Variants in TENM2 observed in about 807,000 individuals in gnomAD.
The protein encoded by TENM2 is teneurin-2.
In TENM2, 52 loss-of-function variants were observed where a neutral mutation model predicts 245.2. That is an observed-to-expected ratio of 0.21 (90% confidence interval 0.17 to 0.27). The LOEUF (loss-of-function observed/expected upper bound fraction) is 0.27. Among genes scored for constraint, TENM2 ranks in the 10% least tolerant of loss-of-function variants. TENM2 has a pLI of 1.00. For synonymous variants in TENM2, 1,363 were observed against 1,438.9 expected, an observed-to-expected ratio of 0.95 and a Z score of 1.19; for missense variants, 3,046 against 3,666.8, an observed-to-expected ratio of 0.83 and a Z score of 4.37.
At chr5:168,172,525 C>T (rs913457266) in intron 13 of TENM2, among the ~76,000 whole-genome samples, 2 of 152,096 alleles carry the variant, frequency 1.3e-5, no homozygotes, top group Admixed American at 6.5e-5. Context: ...GCTCCCACGG[C>T]GAAAACATAG....
intron 2 of TENM2, among the ~76,000 whole-genome samples, chr5:167,646,200 CATATATATATATATATATAT>C (rs61476810): frequency 1.6e-5 from 1 of 63,422 alleles, no homozygotes; most frequent in African/African-American, 5.3e-5. Flanking sequence ...ATGTTGTTTT[CATATATATATATATATATAT>C]ATATATATAT....
chr5:167,887,983 T>A (rs1376904409), intron 3 of TENM2, among the ~76,000 whole-genome samples: 1 of 152,132 alleles, frequency 6.6e-6, no homozygotes, highest in Admixed American at 6.6e-5. Flanking sequence ...ATGGCCCTCT[T>A]CTCCCTGCGT....
the TENM2 span, among the ~76,000 whole-genome samples, chr5:167,089,735 G>T: frequency 6.6e-6 from 1 of 152,270 alleles, no homozygotes; most frequent in African/African-American, 2.4e-5. Context: ...AGACAGAAGA[G>T]AATGGATGAG....
At chr5:167,234,727 T>C in the TENM2 span, among the ~76,000 whole-genome samples, 2 of 152,234 alleles carry the variant, frequency 1.3e-5, no homozygotes, top group African/African-American at 4.8e-5. Context: ...TGAGTCATGA[T>C]GTTTAAAAAC....
intron 4 of TENM2, among the ~76,000 whole-genome samples, chr5:167,982,914 G>A (rs1206839258): frequency 6.6e-6 from 1 of 152,184 alleles, no homozygotes; most frequent in Non-Finnish European, 1.5e-5. Context: ...GACACTAAAT[G>A]CAATGGGAGA....
At chr5:167,161,862 CT>C in the TENM2 span, among the ~76,000 whole-genome samples, 1 of 152,060 alleles carries the variant, frequency 6.6e-6, no homozygotes, top group Non-Finnish European at 1.5e-5. Flanking sequence ...CCATTTACTT[CT>C]TTATGAAAAA....
intron 2 of TENM2, among the ~76,000 whole-genome samples, chr5:167,872,288 GAGAAAGATAGAA>G (rs1159651715): frequency 4.3e-5 from 3 of 69,310 alleles, no homozygotes; most frequent in East Asian, 3.9e-4. Context: ...AAAAAAGAAA[GAGAAAGATAGAA>G]AGAAAGAAAG....
At chr5:167,274,585 CTT>C in the TENM2 span, among the ~76,000 whole-genome samples, 1 of 144,516 alleles carries the variant, frequency 6.9e-6, no homozygotes. Context: ...TTCTTTCTTT[CTT>C]TTTTTTTTTA....
At chr5:167,262,368 A>C in the TENM2 span, among the ~76,000 whole-genome samples, 1 of 151,716 alleles carries the variant, frequency 6.6e-6, no homozygotes, top group Non-Finnish European at 1.5e-5. Flanking sequence ...CAAAAAAAAA[A>C]AAAAGAGGAT....
At chr5:167,438,409 A>G (rs1004704012) in intron 2 of TENM2, among the ~76,000 whole-genome samples, 3 of 152,176 alleles carry the variant, frequency 2.0e-5, no homozygotes, top group Non-Finnish European at 4.4e-5. Flanking sequence ...CAGCTTTGCA[A>G]TCAACATACT....
intron 28 of TENM2, 113 bp from the exon 31 acceptor site, chr5:168,261,936 T>C: frequency 9.6e-7 from 1 of 1,041,210 alleles, no homozygotes; most frequent in Non-Finnish European, 1.4e-6. Flanking sequence ...CAGATCTGGA[T>C]AGACCCAACA....
intron 2 of TENM2, among the ~76,000 whole-genome samples, chr5:167,851,755 G>A (rs1770601504): frequency 6.6e-6 from 1 of 152,162 alleles, no homozygotes; most frequent in Non-Finnish European, 1.5e-5. Context: ...TTGTTTGGGA[G>A]GAAGATGGGG....
chr5:167,837,397 A>T (rs1454568699), intron 2 of TENM2, among the ~76,000 whole-genome samples: 1 of 152,164 alleles, frequency 6.6e-6, no homozygotes, highest in Non-Finnish European at 1.5e-5. Context: ...AAGGTTGTAG[A>T]TCAAAATACG....
intron 2 of TENM2, among the ~76,000 whole-genome samples, chr5:167,705,965 TTA>T (rs368174120): frequency 0.13 from 15,368 of 119,634 alleles, 957 homozygotes; most frequent in South Asian, 0.16. Flanking sequence ...CAAGGCTGGG[TTA>T]TATATATATA....
chr5:167,368,284 G>A (rs1581858601), intron 1 of TENM2, among the ~76,000 whole-genome samples: 1 of 152,070 alleles, frequency 6.6e-6, no homozygotes, highest in East Asian at 1.9e-4. Flanking sequence ...TTTGAATGAT[G>A]CATATTTTTT....
intron 14 of TENM2, among the ~76,000 whole-genome samples, chr5:168,191,559 C>T (rs1337693467): frequency 1.3e-5 from 2 of 152,114 alleles, no homozygotes; most frequent in African/African-American, 4.8e-5. Context: ...TTTCACAAAA[C>T]TTCTAGATAC....
intron 5 of TENM2, among the ~76,000 whole-genome samples, chr5:168,046,475 G>A (rs995724626): frequency 3.3e-5 from 5 of 152,170 alleles, no homozygotes; most frequent in Non-Finnish European, 7.4e-5. Context: ...CAGGTGTTTA[G>A]GGTTTGCTTT....
chr5:167,395,839 G>A (rs931124015), intron 2 of TENM2, among the ~76,000 whole-genome samples: 1 of 152,064 alleles, frequency 6.6e-6, no homozygotes. Flanking sequence ...GTGAGGACTT[G>A]CTATATATGA....
chr5:167,674,559 A>T (rs893159178), intron 2 of TENM2, among the ~76,000 whole-genome samples: 7 of 152,134 alleles, frequency 4.6e-5, no homozygotes, highest in Admixed American at 6.6e-5. Flanking sequence ...TTTAACAGAC[A>T]TTAAAAATTC....
Sources: gnomAD v4.1 joint callset for allele counts (sites outside exome capture counted in the v4.1 genomes callset) on GRCh38, gnomAD v4.1.1 for gene constraint, MANE v1.5 for transcripts, NCBI Gene and HGNC (gene_info 2026-07-23, HGNC 2026-07-21) for gene names.